TDRD3: variants seen among roughly 807,000 people sequenced by gnomAD.
The protein encoded by TDRD3 is tudor domain containing 3.
TDRD3 carries 45 observed loss-of-function variants against 86.7 expected under a neutral mutation model. The ratio of observed to expected loss-of-function variants is 0.52; its 90% CI spans 0.41 to 0.67. The LOEUF is 0.67. Among genes scored for constraint, TDRD3 ranks in the 30% least tolerant of loss-of-function variants. TDRD3 has a pLI of 0.00. For missense variants in TDRD3, 814 were observed against 889.0 expected (o/e 0.92, Z 1.07); for synonymous variants, 298 against 301.7 (o/e 0.99, Z 0.13).
rs1955253416 is a variant in TDRD3 at position 60,441,056 on chromosome 13, T to C, written c.126+1284T>C. Among the ~76,000 whole-genome samples the C allele has an allele frequency of 2.0e-5, 3 of 152,320 alleles. No homozygotes were observed. In the South Asian group the frequency reaches 6.2e-4, roughly 32 times the overall value. On this transcript the variant is annotated intron_variant, in intron 2 of 13. Transcript: ENST00000377881. Reference sequence around the variant, plus strand: ...CTTAACAAGACAAGTAAGATCATTTTATTTTGGTTTCTGAGCTAAGTATTT... The same window carrying C: ...CTTAACAAGACAAGTAAGATCATTTCATTTTGGTTTCTGAGCTAAGTATTT...
intron 9 of TDRD3, among the ~76,000 whole-genome samples, chr13:60,510,215 T>G (rs2137659207): frequency 6.6e-6 from 1 of 152,330 alleles, no homozygotes; most frequent in Non-Finnish European, 1.5e-5. Context: ...GGTTCTATTA[T>G]TTCTAGAACT....
intron 12 of TDRD3, chr13:60,535,478 CTTATT>C (rs1293252956): frequency 3.5e-6 from 1 of 285,544 alleles, no homozygotes; most frequent in African/African-American, 2.2e-5. Context: ...AATAGGTGCC[CTTATT>C]TACATTTGCC....
At chr13:60,454,854 G>A (rs950125303) in intron 3 of TDRD3, among the ~76,000 whole-genome samples, 18 of 151,908 alleles carry the variant, frequency 1.2e-4, no homozygotes, top group African/African-American at 4.1e-4. Flanking sequence ...GGTACAGGGT[G>A]TATGTGACAA....
chr13:60,515,527 C>T (rs1026093021), intron 10 of TDRD3, among the ~76,000 whole-genome samples: 1 of 152,118 alleles, frequency 6.6e-6, no homozygotes, highest in South Asian at 2.1e-4. Context: ...TTCTTATATT[C>T]TCTTGGTTCT....
chr13:60,397,448 C>T (rs1252254224), intron 1 of TDRD3, 43 bp downstream of exon 1: 3 of 1,470,756 alleles, frequency 2.0e-6, no homozygotes, highest in Non-Finnish European at 1.8e-6. Flanking sequence ...CGGGTGCGGG[C>T]CGGGGCCCCA....
intron 10 of TDRD3, among the ~76,000 whole-genome samples, chr13:60,512,391 C>T (rs978995436): frequency 6.6e-6 from 1 of 152,054 alleles, no homozygotes; most frequent in African/African-American, 2.4e-5. Flanking sequence ...CAGCCCCTCC[C>T]AAATATCATG....
intron 12 of TDRD3, among the ~76,000 whole-genome samples, chr13:60,554,620 T>C (rs1233681434): frequency 6.6e-6 from 1 of 152,212 alleles, no homozygotes; most frequent in Admixed American, 6.5e-5. Flanking sequence ...TTCAGGAAGA[T>C]ACTATTTGAA....
At chr13:60,533,374 C>T (rs1324997472) in intron 11 of TDRD3, among the ~76,000 whole-genome samples, 6 of 152,172 alleles carry the variant, frequency 3.9e-5, no homozygotes, top group African/African-American at 1.2e-4. Context: ...GGCGCAGTGG[C>T]TCATGTCTGT....
chr13:60,488,009 GC>G (rs1168084522), intron 7 of TDRD3, among the ~76,000 whole-genome samples: 2 of 151,956 alleles, frequency 1.3e-5, no homozygotes, highest in African/African-American at 4.8e-5. Context: ...GTTTTGATTT[GC>G]ATTTCCCTGA....
At chr13:60,476,607 G>GT (rs1956191842) in intron 5 of TDRD3, among the ~76,000 whole-genome samples, 1 of 152,068 alleles carries the variant, frequency 6.6e-6, no homozygotes, top group South Asian at 2.1e-4. Context: ...AACATTGATA[G>GT]TTTGATAGGA....
rs145528145 is a variant in TDRD3, at chr13:60,546,593, A to G, written c.2118+11360A>G. Reference sequence around the variant, plus strand: ...AAAAGACTGAATATGTGAATTTCCTATCTATTCTAATGACTATACTTACAT... The same window carrying G: ...AAAAGACTGAATATGTGAATTTCCTGTCTATTCTAATGACTATACTTACAT... On this transcript the variant is annotated intron_variant, in intron 12 of 13. Coordinates refer to ENST00000377881, the MANE Select transcript of TDRD3 (RefSeq NM_001146070.2). Among the ~76,000 whole-genome samples the G allele has an allele frequency of 5.0e-3, 759 of 152,250 alleles. 3 individuals are homozygous for G. Among genetic ancestry groups the G allele is most frequent in the Middle Eastern group, 0.024 (7 of 292 alleles).
At position 60,439,740 on chromosome 13, in the gene TDRD3, A is replaced by G. The variant is rs951449550; in HGVS notation, c.94A>G (p.Asn32Asp). 4.5e-6 allele frequency: 7 copies of G among 1,544,462 alleles called. No homozygotes were observed. The African/African-American group carries it at 9.6e-5, about 21-fold the overall frequency. Residue 32 changes from asparagine (N) to aspartate (D), a missense_variant, in exon 2 of 14, where the codon AAT (asparagine) becomes GAT (aspartate). Asn to Asp is a conservative substitution (Grantham distance 23, BLOSUM62 1). Coordinates refer to ENST00000377881, the MANE Select transcript of TDRD3 (RefSeq NM_001146070.2). Reference protein sequence around the residue: ...EACTSSPDKVNVNDIILIALN... With the variant: ...EACTSSPDKVDVNDIILIALN... ...TTGCACAAGCTCTCCAGACAAAGTC[A>G]ATGTAAATGACATCATCCTGATTGC...
intron 13 of TDRD3, among the ~76,000 whole-genome samples, chr13:60,570,993 T>C (rs2138013218): frequency 6.6e-6 from 1 of 152,346 alleles, no homozygotes; most frequent in South Asian, 2.1e-4. Flanking sequence ...TGGTTTTCTA[T>C]GTTCCCTGAG....
intron 5 of TDRD3, among the ~76,000 whole-genome samples, chr13:60,474,783 G>T (rs185574017): frequency 6.6e-6 from 1 of 151,988 alleles, no homozygotes; most frequent in East Asian, 1.9e-4. Context: ...TACCATTTCC[G>T]TCCCTCTCTC....
At chr13:60,470,925 AT>A (rs2138097722) in intron 5 of TDRD3, among the ~76,000 whole-genome samples, 1 of 152,200 alleles carries the variant, frequency 6.6e-6, no homozygotes, top group South Asian at 2.1e-4. Context: ...GCTTAGTAAT[AT>A]TGAGCATCTT....
At chr13:60,525,540 A>G (rs1036814510) in intron 10 of TDRD3, among the ~76,000 whole-genome samples, 2 of 152,184 alleles carry the variant, frequency 1.3e-5, no homozygotes, top group Non-Finnish European at 2.9e-5. Flanking sequence ...ATCTCAGCAT[A>G]GTAATGGATA....
rs1168498178 is a variant in TDRD3 at position 60,528,615 on chromosome 13, G to T, written c.1390G>T (p.Ala464Ser). Reference sequence around the variant, plus strand: ...TACTTCTTCAGTATCTGAAGTATGGGCTGAAGACAGAATCAAATGTGATAG... The same window carrying T: ...TACTTCTTCAGTATCTGAAGTATGGTCTGAAGACAGAATCAAATGTGATAG... ...PSTSSVSEVWAEDRIKCDRPY... is the reference protein window; with the variant it reads ...PSTSSVSEVWSEDRIKCDRPY... Residue 464 changes from alanine to serine, a missense_variant, in exon 11 of 14, where the codon GCT becomes TCT. Ala to Ser is a moderately conservative substitution (Grantham distance 99). Coordinates refer to ENST00000377881, the MANE Select transcript of TDRD3 (RefSeq NM_001146070.2). The T allele has an allele frequency of 6.2e-7, 1 of 1,613,838 alleles. No homozygotes were observed. The highest frequency in any genetic ancestry group is 8.5e-7 in the Non-Finnish European group (1 of 1,179,928).
In TDRD3 at chr13:60,529,108, C is replaced by T. The variant is rs886142475; in HGVS notation, c.1883C>T (p.Ser628Phe). 2 of 1,614,000 alleles carry T rather than the reference C, an allele frequency of 1.2e-6. No individual in the cohort carries two copies. Among genetic ancestry groups the T allele is most frequent in the Non-Finnish European group, 1.7e-6 (2 of 1,179,926 alleles). ...IFYNSGPKRR[S>F]GPIKPEKILE... ...TACAATAGTGGGCCCAAACGAAGAT[C>T]TGGGCCAATTAAGCCAGAAAAAATA... The change falls in exon 11 of 14, where the codon TCT becomes TTT. Residue 628 changes from serine to phenylalanine, a missense_variant. Ser to Phe is a radical substitution (Grantham distance 155). Transcript: ENST00000377881.
intron 8 of TDRD3, among the ~76,000 whole-genome samples, chr13:60,502,994 A>C (rs1238004286): frequency 6.6e-6 from 1 of 152,232 alleles, no homozygotes; most frequent in Admixed American, 6.5e-5. Flanking sequence ...AGAGAAACAA[A>C]CATGCTCCAA....
Sources: gnomAD v4.1 joint callset for allele counts (sites outside exome capture counted in the v4.1 genomes callset) on GRCh38, gnomAD v4.1.1 for gene constraint, MANE v1.5 for transcripts, NCBI Gene and HGNC (gene_info 2026-07-23, HGNC 2026-07-21) for gene names.